The following PRMT8 variants were observed in gnomAD, a reference collection of about 807,000 sequenced individuals.
The protein encoded by PRMT8 is protein arginine methyltransferase 8, also known as protein arginine N-methyltransferase 8.
In PRMT8, 7 loss-of-function variants were observed where a neutral mutation model predicts 47.1. The ratio of observed to expected loss-of-function variants is 0.15; its 90% CI spans 0.08 to 0.28. The LOEUF (loss-of-function observed/expected upper bound fraction) is 0.28, where lower values mean the gene tolerates loss of function less well. PRMT8 is among the 10% of genes least tolerant of loss of function. The pLI is 1.00. For missense variants in PRMT8, 237 were observed against 505.4 expected, an observed-to-expected ratio of 0.47 and a Z score of 5.09; for synonymous variants, 188 against 186.5, an observed-to-expected ratio of 1.01 and a Z score of -0.07.
At position 3,583,882 on chromosome 12, in the gene PRMT8, G is replaced by C. The variant is rs1867119130; in HGVS notation, c.979+674G>C. On this transcript the variant is annotated intron_variant, in intron 8 of 9. Coordinates refer to ENST00000382622, the MANE Select transcript of PRMT8 (RefSeq NM_019854.5). This position sits in a 1 kb window ranked among gnomAD's most constrained non-coding sequence, Gnocchi z 4.7. The stretch of plus-strand genomic sequence containing the variant: ...TCCCGTCGCTGCTACCCCACAGGTG[G>C]CCCAGCTACACCGAGCTCCTTGCTG... Among the ~76,000 whole-genome samples the C allele has an allele frequency of 6.6e-6, 1 of 152,216 alleles. No individual in the cohort carries two copies. Among genetic ancestry groups the C allele is most frequent in the Non-Finnish European group, 1.5e-5 (1 of 68,036 alleles).
chr12:3,388,207 C>T (rs560127621), intron 1 of PRMT8, among the ~76,000 whole-genome samples: 2 of 152,280 alleles, frequency 1.3e-5, no homozygotes, highest in Admixed American at 1.3e-4. Flanking sequence ...CGTTTCATGA[C>T]ATTGACAGTT....
intron 1 of PRMT8, among the ~76,000 whole-genome samples, chr12:3,536,063 T>TAAG (rs1050670419): frequency 6.6e-6 from 1 of 152,200 alleles, no homozygotes; most frequent in Admixed American, 6.5e-5. Context: ...TGGATTCCTA[T>TAAG]AAGTGTTCCA....
At chr12:3,480,276 G>A (rs1865260026) in intron 1 of PRMT8, among the ~76,000 whole-genome samples, 1 of 152,190 alleles carries the variant, frequency 6.6e-6, no homozygotes, top group South Asian at 2.1e-4. Flanking sequence ...GGTAGGTAGG[G>A]TTGGTTATTC....
At position 3,581,918 on chromosome 12, in the gene PRMT8, T is replaced by C. The variant is rs942942870; in HGVS notation, c.829-1140T>C. Among the ~76,000 whole-genome samples, 11 of 152,338 alleles carry C rather than the reference T, an allele frequency of 7.2e-5. No individual in the cohort carries two copies. In the South Asian group the frequency reaches 2.1e-3, roughly 29 times the overall value. On this transcript the variant is annotated intron_variant, in intron 7 of 9. Transcript: ENST00000382622. ...TTCCTTTATTTATCCTGGAAATACA[T>C]TGAGACAAAAGCCATTTCATCGCTT...
chr12:3,531,597 A>C (rs1866031732), intron 1 of PRMT8, among the ~76,000 whole-genome samples: 1 of 152,176 alleles, frequency 6.6e-6, no homozygotes, highest in South Asian at 2.1e-4. Flanking sequence ...GATTTGAAGC[A>C]GACATTGTTG....
chr12:3,555,303 C>T (rs1436741274), intron 4 of PRMT8, among the ~76,000 whole-genome samples: 1 of 152,236 alleles, frequency 6.6e-6, no homozygotes, highest in East Asian at 1.9e-4. Flanking sequence ...GTTAGGTTAG[C>T]TGCTCTCTGA....
Position 3,492,627 on chromosome 12 carries a change from T to A in PRMT8, c.75+927T>A, listed in dbSNP as rs1414980388. ...TGCGTCCCGAGACTCGAGGCTGTGA[T>A]CCCTCGCCTCCCTCTGACCCCGCTG... On this transcript the variant is annotated intron_variant, in intron 1 of 9. Transcript: ENST00000382622. This position sits in a 1 kb window ranked among gnomAD's most constrained non-coding sequence, Gnocchi z 7.5. Among the ~76,000 whole-genome samples the A allele has an allele frequency of 2.0e-5, 3 of 152,144 alleles. No homozygotes were observed.
rs1591546823 is a variant in PRMT8 at position 3,428,467 on chromosome 12, T to G, written c.48+47025T>G. Among the ~76,000 whole-genome samples, 4 of 152,076 alleles carry G rather than the reference T, an allele frequency of 2.6e-5. No individual in the cohort carries two copies. The South Asian group carries it at 8.3e-4, about 32-fold the overall frequency. On this transcript the variant is annotated intron_variant, in intron 1 of 9. Coordinates refer to the PRMT8 transcript ENST00000452611. Reference sequence around the variant, plus strand: ...CTGGGGCCAGCTGCGGGTCACTGGGTTAAGGATTTTTGATAGGAAGGCTAC... The same window carrying G: ...CTGGGGCCAGCTGCGGGTCACTGGGGTAAGGATTTTTGATAGGAAGGCTAC...
At chr12:3,451,031 ACACCCCCCCCC>A (rs1864911446) in intron 1 of PRMT8, among the ~76,000 whole-genome samples, 1 of 17,588 alleles carries the variant, frequency 5.7e-5, no homozygotes. Context: ...GATCTTGCTG[ACACCCCCCCCC>A]CCCCCCCCCC....
intron 1 of PRMT8, among the ~76,000 whole-genome samples, chr12:3,442,095 A>G (rs1380698754): frequency 6.6e-6 from 1 of 152,230 alleles, no homozygotes; most frequent in Non-Finnish European, 1.5e-5. Flanking sequence ...CCGAATTCTT[A>G]ACATAACTAA....
At chr12:3,591,407 CTTTTTT>C (rs34619063) in intron 8 of PRMT8, among the ~76,000 whole-genome samples, 1 of 115,752 alleles carries the variant, frequency 8.6e-6, no homozygotes, top group African/African-American at 3.4e-5. Flanking sequence ...AGGGAAAGCT[CTTTTTT>C]TTTTTTTTTT....
chr12:3,515,998 G>T (rs577824703), intron 1 of PRMT8, among the ~76,000 whole-genome samples: 23 of 152,320 alleles, frequency 1.5e-4, no homozygotes, highest in Admixed American at 1.3e-3. Context: ...CTTATAGTTT[G>T]GCCTTGTGTA....
intron 8 of PRMT8, among the ~76,000 whole-genome samples, chr12:3,588,339 A>G (rs767928867): frequency 4.6e-5 from 7 of 152,216 alleles, no homozygotes; most frequent in Non-Finnish European, 8.8e-5. Context: ...TATATCCCAG[A>G]AAGGACGACC....
chr12:3,506,680 T>C (rs1175340407), intron 1 of PRMT8, among the ~76,000 whole-genome samples: 1 of 152,028 alleles, frequency 6.6e-6, no homozygotes, highest in Non-Finnish European at 1.5e-5. Flanking sequence ...CCTACAGGTG[T>C]GAGGGAATGG....
chr12:3,409,164 G>A lies in PRMT8; in HGVS notation c.48+27722G>A, dbSNP rs1864402085. On this transcript the variant is annotated intron_variant, in intron 1 of 9. Transcript: ENST00000452611. The surrounding 1 kb of genome is among the most constrained non-coding windows in gnomAD (Gnocchi z 4.4). ...TGTGAAGCATGGGTGAATGCAGATG[G>A]CCCACAAAGCTGGTGTCGGTGACTC... is the stretch of plus-strand genomic sequence containing the variant. 6.6e-6 allele frequency among the ~76,000 whole-genome samples: 1 copy of A among 152,144 alleles called. No homozygotes were observed. Among genetic ancestry groups the A allele is most frequent in the East Asian group, 1.9e-4 (1 of 5,172 alleles).
At chr12:3,459,389 C>T (rs887799082) in intron 1 of PRMT8, among the ~76,000 whole-genome samples, 9 of 152,106 alleles carry the variant, frequency 5.9e-5, no homozygotes, top group Non-Finnish European at 1.2e-4. Context: ...CCGATTTCCT[C>T]GATCGAGGGG....
chr12:3,387,884 A>G (rs914452292), intron 1 of PRMT8, among the ~76,000 whole-genome samples: 2 of 152,218 alleles, frequency 1.3e-5, no homozygotes, highest in African/African-American at 4.8e-5. Context: ...TCCAGCATAC[A>G]TCACTTCAGA....
chr12:3,486,103 C>T (rs1476194702), intron 1 of PRMT8, among the ~76,000 whole-genome samples: 1 of 152,120 alleles, frequency 6.6e-6, no homozygotes, highest in Non-Finnish European at 1.5e-5. Flanking sequence ...TAAAACTTCT[C>T]ATCTGTAAAA....
chr12:3,592,136 G>T, intron 8 of PRMT8, 95 bp from the exon 9 acceptor site: 1 of 1,400,246 alleles, frequency 7.1e-7, no homozygotes, highest in Non-Finnish European at 9.4e-7. Flanking sequence ...CCCAGGGGAA[G>T]CCCAGCAACT....
Sources: allele counts gnomAD v4.1 joint callset (sites outside exome capture counted in the v4.1 genomes callset), GRCh38; gene constraint gnomAD v4.1.1; non-coding constraint Gnocchi (gnomAD v3.1); transcripts MANE v1.5; gene names NCBI Gene and HGNC (gene_info 2026-07-23, HGNC 2026-07-21).